Variants in ZNF385D observed in about 807,000 individuals in gnomAD.
ZNF385D encodes the protein zinc finger protein 659.
ZNF385D carries 15 observed loss-of-function variants against 35.8 expected under a neutral mutation model. That is an observed-to-expected ratio of 0.42 (90% CI 0.28 to 0.64). ZNF385D has a LOEUF of 0.64. Among genes scored for constraint, ZNF385D ranks in the 30% least tolerant of loss-of-function variants. ZNF385D has a pLI of 0.23. For synonymous variants in ZNF385D, 212 were observed against 186.8 expected, an observed-to-expected ratio of 1.13 and a Z score of -1.10; for missense variants, 474 against 494.6, an observed-to-expected ratio of 0.96 and a Z score of 0.39.
intron 2 of ZNF385D, among the ~76,000 whole-genome samples, chr3:22,336,018 A>T (rs977456121): frequency 6.6e-6 from 1 of 152,054 alleles, no homozygotes; most frequent in Admixed American, 6.5e-5. Flanking sequence ...AAACAATTCA[A>T]TTCTATTCAA....
intron 3 of ZNF385D, among the ~76,000 whole-genome samples, chr3:22,092,323 G>A (rs1019419706): frequency 3.9e-5 from 6 of 152,200 alleles, no homozygotes; most frequent in Admixed American, 1.3e-4. Context: ...GCTTCTTGAC[G>A]TTGGCTCCTA....
chr3:21,431,640 G>C (rs1384569533), intron 5 of ZNF385D, among the ~76,000 whole-genome samples: 1 of 152,092 alleles, frequency 6.6e-6, no homozygotes, highest in African/African-American at 2.4e-5. Flanking sequence ...TGGCCATGTG[G>C]AGCACAGGGA....
intron 2 of ZNF385D, among the ~76,000 whole-genome samples, chr3:21,635,699 C>A (rs550517524): frequency 3.6e-4 from 54 of 152,098 alleles, no homozygotes; most frequent in Middle Eastern, 3.4e-3. Context: ...GTCTTTTATT[C>A]CTCACCCTCC....
intron 3 of ZNF385D, among the ~76,000 whole-genome samples, chr3:21,968,249 C>A (rs1223321882): frequency 2.0e-5 from 3 of 152,140 alleles, no homozygotes; most frequent in Non-Finnish European, 2.9e-5. Context: ...TTAACCATCT[C>A]AGCAGTCTGA....
chr3:22,363,358 A>AG (rs1285105500), intron 2 of ZNF385D, among the ~76,000 whole-genome samples: 1 of 152,168 alleles, frequency 6.6e-6, no homozygotes, highest in East Asian at 1.9e-4. Context: ...CATCATTAAA[A>AG]GGGGAAAAAT....
intron 2 of ZNF385D, among the ~76,000 whole-genome samples, chr3:22,325,003 G>T (rs1694611068): frequency 6.6e-6 from 1 of 152,172 alleles, no homozygotes; most frequent in South Asian, 2.1e-4. Flanking sequence ...GAGGATAAAA[G>T]TTATAATAAC....
At chr3:21,578,862 A>G (rs543895568) in intron 2 of ZNF385D, among the ~76,000 whole-genome samples, 1 of 152,192 alleles carries the variant, frequency 6.6e-6, no homozygotes, top group Non-Finnish European at 1.5e-5. Flanking sequence ...TTCTATTTCC[A>G]TGAAAAATAT....
chr3:22,011,328 A>G (rs895552186), intron 3 of ZNF385D, among the ~76,000 whole-genome samples: 4 of 152,114 alleles, frequency 2.6e-5, no homozygotes, highest in African/African-American at 9.6e-5. Flanking sequence ...GATCATGCTT[A>G]TTTTCCATCA....
intron 4 of ZNF385D, among the ~76,000 whole-genome samples, chr3:21,459,956 G>A (rs1040415209): frequency 1.3e-5 from 2 of 152,024 alleles, no homozygotes; most frequent in African/African-American, 4.8e-5. Flanking sequence ...CCATGTTGTC[G>A]CTTTATGACC....
chr3:22,180,366 G>C (rs763635582), intron 2 of ZNF385D, among the ~76,000 whole-genome samples: 52 of 152,322 alleles, frequency 3.4e-4, no homozygotes, highest in Admixed American at 1.7e-3. Flanking sequence ...ACAAGGAGGA[G>C]CTGGGACCAT....
chr3:22,102,149 T>C (rs954837123), intron 3 of ZNF385D, among the ~76,000 whole-genome samples: 2 of 151,870 alleles, frequency 1.3e-5, no homozygotes, highest in African/African-American at 4.8e-5. Context: ...CAGAGATGAA[T>C]GTGTTCTTTT....
chr3:21,925,405 G>C lies in ZNF385D; in HGVS notation c.325+243412C>G, dbSNP rs1700677381. The stretch of plus-strand genomic sequence containing the variant: ...TGAAGAACAACTGCTGAAACAAATA[G>C]GCAGGTATACACAAAAACATGTTTA... On this transcript the variant is annotated intron_variant, in intron 3 of 5. Coordinates refer to the ZNF385D transcript ENST00000494108. 2.6e-5 allele frequency among the ~76,000 whole-genome samples: 4 copies of C among 152,034 alleles called. No homozygotes were observed. The South Asian group carries it at 8.3e-4, about 32-fold the overall frequency.
intron 3 of ZNF385D, among the ~76,000 whole-genome samples, chr3:21,776,244 T>C (rs913050873): frequency 3.3e-5 from 5 of 151,964 alleles, no homozygotes; most frequent in Admixed American, 3.3e-4. Flanking sequence ...CATTAGTTTT[T>C]GTGCTTATTA....
At chr3:21,433,164 C>G (rs1701383129) in intron 5 of ZNF385D, among the ~76,000 whole-genome samples, 1 of 152,118 alleles carries the variant, frequency 6.6e-6, no homozygotes, top group African/African-American at 2.4e-5. Flanking sequence ...CACTTCTAGT[C>G]CATTCTGCTG....
chr3:21,672,178 A>C (rs2066595905), intron 1 of ZNF385D, among the ~76,000 whole-genome samples: 1 of 152,174 alleles, frequency 6.6e-6, no homozygotes. Flanking sequence ...AGAATGATAT[A>C]ACTAAAAACA....
intron 1 of ZNF385D, among the ~76,000 whole-genome samples, chr3:21,673,736 G>A (rs888736053): frequency 6.6e-6 from 1 of 152,112 alleles, no homozygotes; most frequent in Non-Finnish European, 1.5e-5. Flanking sequence ...GTGTGCTTTA[G>A]ATAAAAATAA....
intron 4 of ZNF385D, among the ~76,000 whole-genome samples, chr3:21,498,132 C>T (rs190918042): frequency 4.4e-4 from 67 of 152,168 alleles, no homozygotes; most frequent in African/African-American, 1.6e-3. Flanking sequence ...ACTCCCTATT[C>T]AATAAATGGT....
chr3:21,580,419 G>A lies in ZNF385D; in HGVS notation c.166-15735C>T, dbSNP rs543356575. On this transcript the variant is annotated intron_variant, in intron 2 of 7. Coordinates refer to ENST00000281523, the MANE Select transcript of ZNF385D (RefSeq NM_024697.3). Reference sequence around the variant, plus strand: ...AATGTCACAAAATTAAAGTTACGAAGTCTATAGAAAACAAATTAAACAATG... The same window carrying A: ...AATGTCACAAAATTAAAGTTACGAAATCTATAGAAAACAAATTAAACAATG... Among the ~76,000 whole-genome samples the A allele has an allele frequency of 1.2e-4, 18 of 152,276 alleles. 1 individual carries two copies. In the South Asian group the frequency reaches 3.7e-3, roughly 32 times the overall value.
At chr3:21,988,981 C>A (rs1321704690) in intron 3 of ZNF385D, among the ~76,000 whole-genome samples, 2 of 152,150 alleles carry the variant, frequency 1.3e-5, no homozygotes, top group Admixed American at 1.3e-4. Flanking sequence ...TTGCGCTTCC[C>A]AGGTGAGGCA....
Sources: allele counts gnomAD v4.1 joint callset (sites outside exome capture counted in the v4.1 genomes callset), GRCh38; gene constraint gnomAD v4.1.1; transcripts MANE v1.5; gene names NCBI Gene and HGNC (gene_info 2026-07-23, HGNC 2026-07-21).